The following OVCH1 variants were observed in gnomAD, a reference collection of about 807,000 sequenced individuals.
OVCH1 encodes the protein ovochymase 1.
Under a neutral mutation model 138.4 loss-of-function variants are expected in OVCH1, and 139 were observed. The ratio of observed to expected loss-of-function variants is 1.00; its 90% CI spans 0.87 to 1.16. OVCH1 has a LOEUF of 1.16. Ranked by LOEUF, OVCH1 falls within the 50% of genes most tolerant of loss-of-function variation. The pLI is 0.00. For synonymous variants in OVCH1, 453 were observed against 467.8 expected, an observed-to-expected ratio of 0.97 and a Z score of 0.41; for missense variants, 1,367 against 1,357.9, an observed-to-expected ratio of 1.01 and a Z score of -0.11.
intron 26 of OVCH1, chr12:29,433,873 T>G: frequency 7.8e-7 from 1 of 1,282,508 alleles, no homozygotes; most frequent in South Asian, 1.5e-5. Flanking sequence ...TCAATTAACA[T>G]GTCCAAAAAA....
exon 5 of OVCH1, chr12:29,491,170 A>G: frequency 6.2e-7 from 1 of 1,613,682 alleles, no homozygotes; most frequent in Non-Finnish European, 8.5e-7. Context: ...TGTCAGGAAG[A>G]CAGATTGGCT....
intron 4 of OVCH1, among the ~76,000 whole-genome samples, chr12:29,494,283 G>A (rs1373806994): frequency 6.6e-6 from 1 of 152,096 alleles, no homozygotes; most frequent in Non-Finnish European, 1.5e-5. Context: ...AAGGGCAGTG[G>A]CCTGGCTAAC....
At chr12:29,424,848 A>C (rs1431041915), downstream of OVCH1, among the ~76,000 whole-genome samples, 1 of 152,248 alleles carries the variant, frequency 6.6e-6, no homozygotes, top group Non-Finnish European at 1.5e-5. Flanking sequence ...GTATTTACAA[A>C]GTATTATACA....
chr12:29,485,420 C>T lies in OVCH1; in HGVS notation c.995+826G>A, dbSNP rs545985386. ...CTTTGGGAGGCCGAGGCGGGTGGATCATCTGAGGTCAGGAGTTCGAGACCA... is the reference window on the plus strand; with the variant it reads ...CTTTGGGAGGCCGAGGCGGGTGGATTATCTGAGGTCAGGAGTTCGAGACCA... On this transcript the variant is annotated intron_variant, in intron 8 of 27. Transcript: ENST00000318184. Among the ~76,000 whole-genome samples the T allele has an allele frequency of 5.2e-4, 77 of 148,026 alleles. 1 individual carries two copies. The highest frequency in any genetic ancestry group is 1.9e-3 in the African/African-American group (76 of 40,186).
intron 4 of OVCH1, among the ~76,000 whole-genome samples, chr12:29,494,307 T>G (rs1214311186): frequency 6.6e-6 from 1 of 152,166 alleles, no homozygotes; most frequent in Non-Finnish European, 1.5e-5. Context: ...TCTGGACTTG[T>G]GCTTTGTTTT....
intron 6 of OVCH1, among the ~76,000 whole-genome samples, chr12:29,489,327 T>C (rs187087564): frequency 7.9e-4 from 121 of 152,278 alleles, no homozygotes; most frequent in South Asian, 2.3e-3. Context: ...CCTAATAAGA[T>C]TGTGAAAGTG....
chr12:29,413,661 TACACACATACAC>T (rs1940991509), intron 3 of OVCH1, among the ~76,000 whole-genome samples: 1 of 149,044 alleles, frequency 6.7e-6, no homozygotes. Flanking sequence ...CTGTGTGTAT[TACACACATACAC>T]ACACACACAC....
intron 16 of OVCH1, among the ~76,000 whole-genome samples, chr12:29,468,926 C>G (rs953681465): frequency 3.3e-5 from 5 of 152,066 alleles, no homozygotes; most frequent in Admixed American, 6.6e-5. Flanking sequence ...AAAAATGAAC[C>G]AGGGCTCCTT....
rs1269155075 is a variant in OVCH1, at chr12:29,442,065, G to C, written c.3157+1296C>G. 6.6e-5 allele frequency among the ~76,000 whole-genome samples: 10 copies of C among 150,946 alleles called. No individual in the cohort carries two copies. In the South Asian group the frequency reaches 1.7e-3, roughly 25 times the overall value. On this transcript the variant is annotated intron_variant, in intron 25 of 27. Coordinates refer to ENST00000318184, the Ensembl canonical transcript of OVCH1. ...CAACCATTGTGGAAGTCAGTGTGGCGATTCCTCAGGGATCTAGAACTAGAA... is the reference window on the plus strand; with the variant it reads ...CAACCATTGTGGAAGTCAGTGTGGCCATTCCTCAGGGATCTAGAACTAGAA...
At chr12:29,486,020 A>C (rs1015598925) in intron 8 of OVCH1, among the ~76,000 whole-genome samples, 6 of 151,780 alleles carry the variant, frequency 4.0e-5, no homozygotes, top group African/African-American at 1.5e-4. Context: ...AAATGGATAC[A>C]GCTTTTAGCA....
Position 29,491,079 on chromosome 12 carries a change from C to A in OVCH1, c.550+18G>T, listed in dbSNP as rs1463855092. 6.3e-6 allele frequency: 10 copies of A among 1,597,684 alleles called. No homozygotes were observed. Among genetic ancestry groups the A allele is most frequent in the Non-Finnish European group, 8.6e-6 (10 of 1,165,456 alleles). The stretch of plus-strand genomic sequence containing the variant: ...CAGAGAGCTGGAAGAAGTATTAAGT[C>A]ATTTTGGTGTCTCTTACTTTTGGAA... On this transcript the variant is annotated intron_variant, in intron 5 of 27. Coordinates refer to ENST00000318184, the Ensembl canonical transcript of OVCH1.
intron 4 of OVCH1, among the ~76,000 whole-genome samples, chr12:29,494,968 T>C (rs1202252211): frequency 6.6e-6 from 1 of 152,176 alleles, no homozygotes; most frequent in Admixed American, 6.5e-5. Context: ...GATATCCTAA[T>C]TACCCTGATT....
Position 29,460,424 on chromosome 12 carries a change from C to G in OVCH1, c.2280+1430G>C, listed in dbSNP as rs138446833. The stretch of plus-strand genomic sequence containing the variant: ...TTTTATCAGATAACATTTATGTACT[C>G]TAGCAGACAGCAGGAGTGCACTTTC... On this transcript the variant is annotated intron_variant, in intron 19 of 27. Coordinates refer to ENST00000318184, the Ensembl canonical transcript of OVCH1. Among the ~76,000 whole-genome samples the G allele has an allele frequency of 3.9e-5, 6 of 152,296 alleles. No homozygotes were observed. In the East Asian group the frequency reaches 1.2e-3, roughly 29 times the overall value.
intron 18 of OVCH1, among the ~76,000 whole-genome samples, chr12:29,462,331 T>C (rs997545496): frequency 1.3e-5 from 2 of 151,166 alleles, no homozygotes; most frequent in African/African-American, 4.9e-5. Flanking sequence ...TTCAGCATGA[T>C]ATGAATTGGT....
At chr12:29,455,022 C>CA (rs141029025) in intron 20 of OVCH1, 89 bp from the exon 21 acceptor site, 3 of 1,259,796 alleles carry the variant, frequency 2.4e-6, no homozygotes, top group Admixed American at 2.5e-5. Context: ...TCAAAAGAAA[C>CA]AAAAAAGAAA....
At chr12:29,451,483 A>G in exon 22 of OVCH1, 1 of 1,613,336 alleles carries the variant, frequency 6.2e-7, no homozygotes, top group South Asian at 1.1e-5. Context: ...ACCCAAGAAC[A>G]TTCCAGTCTT....
intron 27 of OVCH1, among the ~76,000 whole-genome samples, chr12:29,429,445 A>G (rs577384861): frequency 3.7e-4 from 57 of 152,330 alleles, no homozygotes; most frequent in African/African-American, 1.0e-3. Flanking sequence ...AACAAATGCT[A>G]TTGTTCCCAA....
At chr12:29,429,559 T>C (rs968655625) in intron 27 of OVCH1, among the ~76,000 whole-genome samples, 2 of 152,248 alleles carry the variant, frequency 1.3e-5, no homozygotes, top group Non-Finnish European at 2.9e-5. Context: ...TAGAATTGAT[T>C]GCTGATATGG....
chr12:29,428,737 AAAAG>A (rs1369439587), intron 27 of OVCH1, among the ~76,000 whole-genome samples: 3 of 152,212 alleles, frequency 2.0e-5, no homozygotes, highest in Non-Finnish European at 4.4e-5. Flanking sequence ...GGTCCCTGGA[AAAAG>A]AAAGCATCAA....
Sources: gnomAD v4.1 joint callset for allele counts (sites outside exome capture counted in the v4.1 genomes callset) on GRCh38, gnomAD v4.1.1 for gene constraint, MANE v1.5 for transcripts, NCBI Gene and HGNC (gene_info 2026-07-23, HGNC 2026-07-21) for gene names.